PAN3: variants seen among roughly 807,000 people sequenced by gnomAD.
The protein encoded by PAN3 is poly(A) specific ribonuclease subunit PAN3.
Under a neutral mutation model 96.2 loss-of-function variants are expected in PAN3, and 19 were observed. The ratio of observed to expected loss-of-function variants is 0.20; its 90% CI spans 0.14 to 0.29. The LOEUF (loss-of-function observed/expected upper bound fraction) is 0.29. PAN3 is among the 10% of genes least tolerant of loss of function. The pLI, the probability that PAN3 is intolerant of heterozygous loss-of-function variation, is 1.00. For missense variants in PAN3, 882 were observed against 1,108.1 expected (o/e 0.80, Z 2.90); for synonymous variants, 433 against 406.6 (o/e 1.06, Z -0.78).
At chr13:28,232,101 A>G (rs902067850) in intron 6 of PAN3, among the ~76,000 whole-genome samples, 7 of 152,258 alleles carry the variant, frequency 4.6e-5, no homozygotes, top group South Asian at 2.1e-4. Context: ...GTTCTTGTTT[A>G]CTTCTCAAAA....
chr13:28,238,930 A>C, intron 6 of PAN3, among the ~76,000 whole-genome samples: 1 of 152,106 alleles, frequency 6.6e-6, no homozygotes. Flanking sequence ...GTTTAGACAT[A>C]ATAAGGAAGG....
At chr13:28,263,419 G>A (rs1009938262) in intron 9 of PAN3, among the ~76,000 whole-genome samples, 8 of 152,180 alleles carry the variant, frequency 5.3e-5, no homozygotes, top group African/African-American at 1.2e-4. Flanking sequence ...TGCAACCTCC[G>A]CCTCCTGGGC....
rs995965648 is a variant in PAN3 at position 28,292,277 on chromosome 13, A to G, written c.2524-105A>G. ...TGTACTCATGGATATCTGAAAGGGA[A>G]TGTGACAAAAAAAATTTAGATATTT... On this transcript the variant is annotated intron_variant, in intron 18 of 18. Coordinates refer to ENST00000380958, the MANE Select transcript of PAN3 (RefSeq NM_175854.8). The G allele has an allele frequency of 3.4e-6, 4 of 1,182,628 alleles. No individual in the cohort carries two copies. The African/African-American group carries it at 4.7e-5, about 14-fold the overall frequency. 73.3% of individuals were successfully genotyped at this position (1,182,628 alleles called of 1,614,324 possible).
At chr13:28,202,191 A>G (rs1469335546) in intron 5 of PAN3, among the ~76,000 whole-genome samples, 2 of 152,348 alleles carry the variant, frequency 1.3e-5, no homozygotes, top group Middle Eastern at 3.4e-3. Flanking sequence ...TATTATCCCC[A>G]TTTGACAACA....
intron 1 of PAN3, among the ~76,000 whole-genome samples, chr13:28,145,122 A>G (rs954654409): frequency 2.6e-5 from 4 of 152,184 alleles, no homozygotes; most frequent in African/African-American, 9.7e-5. Flanking sequence ...GTAAGATACA[A>G]TACGGATATC....
At position 28,163,701 on chromosome 13, in the gene PAN3, G is replaced by A. The variant is rs540453317; in HGVS notation, c.431-10571G>A. Among the ~76,000 whole-genome samples, 17 of 152,274 alleles carry A rather than the reference G, an allele frequency of 1.1e-4. No individual in the cohort carries two copies. In the South Asian group the frequency reaches 2.3e-3, roughly 20 times the overall value. Reference sequence around the variant, plus strand: ...GATTATACTCCAGATGGTAAAGTGTGGGAGATTTTAAGCATATAATGAGTA... The same window carrying A: ...GATTATACTCCAGATGGTAAAGTGTAGGAGATTTTAAGCATATAATGAGTA... On this transcript the variant is annotated intron_variant, in intron 1 of 18. Transcript: ENST00000380958.
chr13:28,257,736 A>T (rs922817277), intron 7 of PAN3, among the ~76,000 whole-genome samples: 9 of 110,924 alleles, frequency 8.1e-5, no homozygotes, highest in Admixed American at 2.8e-4. Flanking sequence ...TATTATATAT[A>T]AATTATATAT....
At chr13:28,151,035 A>C (rs1010542648) in intron 1 of PAN3, among the ~76,000 whole-genome samples, 1 of 152,210 alleles carries the variant, frequency 6.6e-6, no homozygotes, top group South Asian at 2.1e-4. Flanking sequence ...ATATCAAGGT[A>C]AACCTCACTG....
At chr13:28,224,457 G>A (rs1881780536) in intron 6 of PAN3, among the ~76,000 whole-genome samples, 1 of 152,094 alleles carries the variant, frequency 6.6e-6, no homozygotes, top group Non-Finnish European at 1.5e-5. Context: ...TATCATGTGT[G>A]GGCCCTTAGG....
At chr13:28,234,871 CTTCTA>C (rs957425004) in intron 6 of PAN3, among the ~76,000 whole-genome samples, 1 of 152,000 alleles carries the variant, frequency 6.6e-6, no homozygotes, top group African/African-American at 2.4e-5. Flanking sequence ...TATGAACTGT[CTTCTA>C]TTTTCCTTTT....
intron 6 of PAN3, chr13:28,232,610 A>G (rs1882691991): frequency 1.3e-5 from 2 of 151,964 alleles, no homozygotes; most frequent in Admixed American, 6.5e-5. Flanking sequence ...GCATTATAAT[A>G]TATTTTTAAA....
chr13:28,153,441 G>A (rs1871673041), intron 1 of PAN3, among the ~76,000 whole-genome samples: 2 of 151,928 alleles, frequency 1.3e-5, no homozygotes, highest in Non-Finnish European at 2.9e-5. Flanking sequence ...ATTTCACCAT[G>A]TTGGCCAGGA....
chr13:28,283,073 G>A (rs1971576), intron 17 of PAN3, among the ~76,000 whole-genome samples: 25,649 of 151,414 alleles, frequency 0.17, 2,986 homozygotes, highest in East Asian at 0.33. Context: ...TTTTGAGAGG[G>A]AATCTCGCTC....
At position 28,293,387 on chromosome 13, in the gene PAN3, G is replaced by GTTTTTTTTTGTTTTTTTTTTTT. The variant is rs1869988891; in HGVS notation, c.*874_*875insGTTTTTTTTTTTTTTTTTTTTT. 4.7e-5 allele frequency: 1 copy of GTTTTTTTTTGTTTTTTTTTTTT among 21,356 alleles called. No individual in the cohort carries two copies. Among genetic ancestry groups the GTTTTTTTTTGTTTTTTTTTTTT allele is most frequent in the African/African-American group, 2.0e-4 (1 of 4,970 alleles). The allele number at this position is 21,356 out of a possible 1,614,324, so 1.3% of individuals were successfully genotyped here. On this transcript the variant is annotated 3_prime_UTR_variant, in exon 19 of 19. Transcript: ENST00000380958. ...ACTTTAGGTTCTTTCCAGTTTGCTG[G>GTTTTTTTTTGTTTTTTTTTTTT]TTTTTTTTTTTTTTTTTTTTTTTTT...
chr13:28,150,028 T>A (rs915283443), intron 1 of PAN3, among the ~76,000 whole-genome samples: 1 of 152,238 alleles, frequency 6.6e-6, no homozygotes, highest in African/African-American at 2.4e-5. Context: ...ATTTTAACTT[T>A]CTTATTTTGC....
At chr13:28,280,263 T>C in intron 15 of PAN3, 149 bp from the exon 16 acceptor site, 1 of 903,684 alleles carries the variant, frequency 1.1e-6, no homozygotes, top group African/African-American at 1.7e-5. Context: ...AAATGTAATA[T>C]TTAAGAATGA....
At chr13:28,165,007 A>G (rs1443303757) in intron 1 of PAN3, among the ~76,000 whole-genome samples, 3 of 152,208 alleles carry the variant, frequency 2.0e-5, no homozygotes, top group African/African-American at 2.4e-5. Context: ...TCTCAGGTTC[A>G]AGTGATTCTC....
At chr13:28,242,696 A>G (rs981686342) in intron 6 of PAN3, among the ~76,000 whole-genome samples, 2 of 152,162 alleles carry the variant, frequency 1.3e-5, no homozygotes, top group Non-Finnish European at 1.5e-5. Flanking sequence ...ATGTGTGGGT[A>G]CATGAAGCAT....
intron 6 of PAN3, among the ~76,000 whole-genome samples, chr13:28,253,698 C>G (rs1593569934): frequency 6.9e-6 from 1 of 144,856 alleles, no homozygotes; most frequent in Middle Eastern, 3.4e-3. Flanking sequence ...CAGCCTCAAA[C>G]CCCTGGGCTC....
Sources: gnomAD v4.1 joint callset for allele counts (sites outside exome capture counted in the v4.1 genomes callset) on GRCh38, gnomAD v4.1.1 for gene constraint, MANE v1.5 for transcripts, NCBI Gene and HGNC (gene_info 2026-07-23, HGNC 2026-07-21) for gene names.